The following MICU2 variants were observed in gnomAD, a reference collection of about 807,000 sequenced individuals.
The protein encoded by MICU2 is mitochondrial calcium uptake 2.
Under a neutral mutation model 60.4 loss-of-function variants are expected in MICU2, and 64 were observed. The ratio of observed to expected loss-of-function variants is 1.06; its 90% CI spans 0.87 to 1.31. The LOEUF is 1.31. MICU2 is among the 50% of genes most tolerant of loss of function. The probability of loss-of-function intolerance (pLI) is 0.00; values close to 1 mark genes in which losing one functional copy is unlikely to be tolerated. For synonymous variants in MICU2, 201 were observed against 175.0 expected (o/e 1.15, Z -1.17); for missense variants, 569 against 531.0 (o/e 1.07, Z -0.70).
intron 1 of MICU2, among the ~76,000 whole-genome samples, chr13:21,596,661 C>T (rs997962807): frequency 6.6e-6 from 1 of 152,044 alleles, no homozygotes; most frequent in Non-Finnish European, 1.5e-5. Context: ...TGATCTCAAG[C>T]GATACACCCG....
At position 21,581,066 on chromosome 13, in the gene MICU2, T is replaced by C. The variant is rs190877405; in HGVS notation, c.211-14122A>G. 3.0e-4 allele frequency among the ~76,000 whole-genome samples: 45 copies of C among 152,296 alleles called. 1 individual carries two copies. Among genetic ancestry groups the C allele is most frequent in the Middle Eastern group, 3.4e-3 (1 of 294 alleles). Reference sequence around the variant, plus strand: ...CAGGTAAAAATTAGCAGTAATATAGTGACATAATCAAAGCAGTGAAGTGGA... The same window carrying C: ...CAGGTAAAAATTAGCAGTAATATAGCGACATAATCAAAGCAGTGAAGTGGA... On this transcript the variant is annotated intron_variant, in intron 1 of 11. Transcript: ENST00000382374.
intron 9 of MICU2, among the ~76,000 whole-genome samples, chr13:21,501,916 C>A (rs1215695600): frequency 6.6e-6 from 1 of 152,144 alleles, no homozygotes; most frequent in East Asian, 1.9e-4. Context: ...TATCAGCCCA[C>A]AATGGAACTG....
intron 1 of MICU2, among the ~76,000 whole-genome samples, chr13:21,596,741 T>C (rs865849314): frequency 6.6e-6 from 1 of 152,112 alleles, no homozygotes; most frequent in African/African-American, 2.4e-5. Context: ...CAGGTTCTCA[T>C]AGGGCTTACT....
intron 6 of MICU2, among the ~76,000 whole-genome samples, chr13:21,517,770 GACACACACACACAC>G (rs374373614): frequency 1.4e-5 from 2 of 144,506 alleles, no homozygotes; most frequent in Admixed American, 1.4e-4. Flanking sequence ...ACAGAGCGAG[GACACACACACACAC>G]ACACACACAC....
At chr13:21,562,744 T>C (rs1241062997) in intron 2 of MICU2, among the ~76,000 whole-genome samples, 1 of 152,234 alleles carries the variant, frequency 6.6e-6, no homozygotes, top group East Asian at 1.9e-4. Flanking sequence ...CATCCAATAT[T>C]GTGTTGCTAT....
At chr13:21,541,720 C>T (rs1887287291) in intron 2 of MICU2, among the ~76,000 whole-genome samples, 1 of 152,056 alleles carries the variant, frequency 6.6e-6, no homozygotes, top group South Asian at 2.1e-4. Context: ...CTTTGAATTC[C>T]ATGACAGTAG....
intron 4 of MICU2, among the ~76,000 whole-genome samples, chr13:21,524,438 CAG>C (rs1886799513): frequency 6.6e-6 from 1 of 152,080 alleles, no homozygotes; most frequent in Admixed American, 6.5e-5. Flanking sequence ...ACCTCCCTGC[CAG>C]ATAGTTACCA....
At chr13:21,530,884 G>C in intron 4 of MICU2, 1 of 758,204 alleles carries the variant, frequency 1.3e-6, no homozygotes, top group Non-Finnish European at 2.4e-6. Context: ...CCTGTACAGC[G>C]ACAGAGCAGA....
At chr13:21,513,152 C>A (rs1886474582) in intron 7 of MICU2, among the ~76,000 whole-genome samples, 1 of 151,164 alleles carries the variant, frequency 6.6e-6, no homozygotes, top group African/African-American at 2.4e-5. Flanking sequence ...TTGCAGATTT[C>A]CTGGGAGTTT....
chr13:21,599,878 ATACT>A (rs376245513), intron 1 of MICU2, among the ~76,000 whole-genome samples: 516 of 152,334 alleles, frequency 3.4e-3, no homozygotes, highest in Middle Eastern at 0.01. Context: ...ATACTCTGAG[ATACT>A]TACAACAACT....
chr13:21,574,931 A>T (rs890486822), intron 1 of MICU2, among the ~76,000 whole-genome samples: 16 of 152,236 alleles, frequency 1.1e-4, no homozygotes, highest in African/African-American at 3.9e-4. Context: ...AGACTAAATT[A>T]AAAATATTCA....
chr13:21,565,384 G>T (rs1378904212), intron 2 of MICU2, among the ~76,000 whole-genome samples: 1 of 152,130 alleles, frequency 6.6e-6, no homozygotes, highest in East Asian at 1.9e-4. Context: ...AAGGCTGGGC[G>T]CGGTGGCTCA....
chr13:21,539,797 T>A, intron 2 of MICU2, 109 bp from the exon 3 acceptor site: 1 of 1,024,176 alleles, frequency 9.8e-7, no homozygotes. Context: ...AAATATTTAT[T>A]TAAAAAGCAA....
intron 11 of MICU2, among the ~76,000 whole-genome samples, chr13:21,494,590 T>A (rs1885943468): frequency 2.6e-5 from 4 of 152,204 alleles, no homozygotes. Context: ...CTAAAAAAAA[T>A]TAAGTGGCTT....
intron 10 of MICU2, 118 bp downstream of exon 10, chr13:21,495,934 A>G: frequency 1.5e-6 from 1 of 659,412 alleles, no homozygotes; most frequent in Non-Finnish European, 2.6e-6. Context: ...CACTGAATTA[A>G]AAGGTCAATC....
chr13:21,553,114 G>T (rs1042650461), intron 2 of MICU2, among the ~76,000 whole-genome samples: 6 of 152,122 alleles, frequency 3.9e-5, no homozygotes, highest in Non-Finnish European at 8.8e-5. Context: ...ATTGAGCAGT[G>T]GTTTGTAGTT....
intron 2 of MICU2, among the ~76,000 whole-genome samples, chr13:21,553,949 T>C (rs1818901211): frequency 6.6e-6 from 1 of 151,858 alleles, no homozygotes; most frequent in South Asian, 2.1e-4. Context: ...CATTACATAA[T>C]GGTAAAGGGA....
chr13:21,556,266 T>C (rs1351318141), intron 2 of MICU2, among the ~76,000 whole-genome samples: 1 of 152,198 alleles, frequency 6.6e-6, no homozygotes, highest in Non-Finnish European at 1.5e-5. Context: ...CAACAGCATT[T>C]TTCATAGTTG....
chr13:21,537,670 C>T (rs1887167238), intron 4 of MICU2, among the ~76,000 whole-genome samples: 2 of 152,056 alleles, frequency 1.3e-5, no homozygotes, highest in African/African-American at 4.8e-5. Context: ...AGGGTTTCCC[C>T]ATGTTGGCCA....
Sources: gnomAD v4.1 joint callset for allele counts (sites outside exome capture counted in the v4.1 genomes callset) on GRCh38, gnomAD v4.1.1 for gene constraint, MANE v1.5 for transcripts, NCBI Gene and HGNC (gene_info 2026-07-23, HGNC 2026-07-21) for gene names.